SLC12A8: variants seen among roughly 807,000 people sequenced by gnomAD.
SLC12A8 encodes solute carrier family 12 member 8.
In SLC12A8, 69 loss-of-function variants were observed where a neutral mutation model predicts 75.6. The ratio of observed to expected loss-of-function variants is 0.91; its 90% CI spans 0.75 to 1.11. The LOEUF is 1.11. SLC12A8 is among the 50% of genes most tolerant of loss of function. The pLI is 0.00. For missense variants in SLC12A8, 877 were observed against 896.7 expected, an observed-to-expected ratio of 0.98 and a Z score of 0.28; for synonymous variants, 365 against 372.8, an observed-to-expected ratio of 0.98 and a Z score of 0.24.
chr3:125,153,231 T>C (rs1389080786), intron 5 of SLC12A8, among the ~76,000 whole-genome samples: 11 of 152,192 alleles, frequency 7.2e-5, no homozygotes, highest in Non-Finnish European at 1.3e-4. Flanking sequence ...CCCGGTACTT[T>C]CCAAGATGCC....
At chr3:125,199,021 A>G (rs1016862361) in intron 2 of SLC12A8, among the ~76,000 whole-genome samples, 52 of 151,714 alleles carry the variant, frequency 3.4e-4, no homozygotes, top group South Asian at 1.3e-3. Flanking sequence ...CTCGTGATCC[A>G]CCCTCCTTGG....
At chr3:125,092,240 C>T (rs774383689) in intron 10 of SLC12A8, 42 bp from the exon 11 acceptor site, 2 of 1,433,480 alleles carry the variant, frequency 1.4e-6, no homozygotes, top group Non-Finnish European at 2.0e-6. Flanking sequence ...TTGCTATCAA[C>T]TCTCTACTGT....
chr3:125,113,172 G>A (rs932808930), intron 8 of SLC12A8, among the ~76,000 whole-genome samples: 1 of 152,146 alleles, frequency 6.6e-6, no homozygotes, highest in African/African-American at 2.4e-5. Context: ...ATGAGTACAC[G>A]ATATGGTGGC....
rs1486240667 is a variant in SLC12A8, at chr3:125,177,714, G to A, written c.622+29C>T. 1.9e-6 allele frequency: 3 copies of A among 1,568,390 alleles called. No homozygotes were observed. The South Asian group carries it at 3.3e-5, about 17-fold the overall frequency. ...TCTCTAAAGCAGTGAAGATCCATAA[G>A]GCCACATACTGGACTCTGAAAGGCT... On this transcript the variant is annotated intron_variant, in intron 5 of 13. Transcript: ENST00000469902.
intron 8 of SLC12A8, among the ~76,000 whole-genome samples, chr3:125,112,487 A>T (rs1200817846): frequency 1.3e-5 from 2 of 152,158 alleles, no homozygotes; most frequent in African/African-American, 2.4e-5. Context: ...GTAGAATTGT[A>T]TCATGCTTCC....
intron 10 of SLC12A8, among the ~76,000 whole-genome samples, chr3:125,094,407 T>C (rs1329733648): frequency 6.6e-6 from 1 of 152,036 alleles, no homozygotes; most frequent in East Asian, 1.9e-4. Flanking sequence ...CAAGCTCTCT[T>C]CTCCAAAGAG....
At chr3:125,087,826 C>G (rs1938497366) in intron 13 of SLC12A8, among the ~76,000 whole-genome samples, 1 of 152,180 alleles carries the variant, frequency 6.6e-6, no homozygotes, top group Admixed American at 6.5e-5. Context: ...AGAGGTCCCA[C>G]AGAAATCCTC....
At chr3:125,190,291 G>A in intron 3 of SLC12A8, 84 bp downstream of exon 3, 1 of 1,449,236 alleles carries the variant, frequency 6.9e-7, no homozygotes, top group Non-Finnish European at 9.5e-7. Context: ...AGGAATCTGT[G>A]GCCTGCACTG....
chr3:125,113,992 C>T (rs557474584), intron 8 of SLC12A8, among the ~76,000 whole-genome samples: 3 of 152,236 alleles, frequency 2.0e-5, no homozygotes, highest in African/African-American at 7.2e-5. Context: ...CTGGGGAGTG[C>T]ACCCTAAAAA....
chr3:125,148,272 T>A (rs1297261401), intron 5 of SLC12A8, among the ~76,000 whole-genome samples: 1 of 152,224 alleles, frequency 6.6e-6, no homozygotes, highest in African/African-American at 2.4e-5. Context: ...GCTGCCCCAT[T>A]GCCTAGTGCT....
intron 5 of SLC12A8, among the ~76,000 whole-genome samples, chr3:125,163,335 C>T (rs1306947793): frequency 2.0e-5 from 3 of 151,570 alleles, no homozygotes; most frequent in African/African-American, 7.3e-5. Context: ...AAGCCGGGTG[C>T]GGTGGTTCAC....
At chr3:125,211,498 C>T (rs1935336539) in intron 1 of SLC12A8, 104 bp from the exon 2 acceptor site, 1 of 726,376 alleles carries the variant, frequency 1.4e-6, no homozygotes, top group Non-Finnish European at 2.4e-6. Flanking sequence ...CAGGCGAGGC[C>T]CTGGCTGAGG....
chr3:125,164,094 T>C (rs1474804030), intron 5 of SLC12A8, among the ~76,000 whole-genome samples: 1 of 152,088 alleles, frequency 6.6e-6, no homozygotes, highest in Non-Finnish European at 1.5e-5. Flanking sequence ...CCTCTAACAG[T>C]TTTAACCAGG....
At position 125,142,472 on chromosome 3, in the gene SLC12A8, T is replaced by G. The variant is rs190656977; in HGVS notation, c.623-6690A>C. On this transcript the variant is annotated intron_variant, in intron 5 of 13. Transcript: ENST00000469902. ...GATTTGGGAGAAGTCCCTGCCATGC[T>G]TATCCTCCCTCGGCGTGAAGCACAG... 5.3e-4 allele frequency among the ~76,000 whole-genome samples: 81 copies of G among 152,310 alleles called. 1 individual carries two copies. The highest frequency in any genetic ancestry group is 2.9e-5 in the Non-Finnish European group (2 of 68,022).
intron 4 of SLC12A8, among the ~76,000 whole-genome samples, chr3:125,186,113 T>C (rs2107793415): frequency 6.6e-6 from 1 of 151,102 alleles, no homozygotes; most frequent in African/African-American, 2.4e-5. Flanking sequence ...GGATTTTGCC[T>C]ACCTTGCAGC....
At chr3:125,200,478 CTT>C (rs1481574495) in intron 2 of SLC12A8, among the ~76,000 whole-genome samples, 1 of 152,096 alleles carries the variant, frequency 6.6e-6, no homozygotes, top group Admixed American at 6.6e-5. Flanking sequence ...CAAGAACTAA[CTT>C]ATTTTATGTT....
chr3:125,109,710 TAACAGG>T (rs1939140241), intron 9 of SLC12A8, among the ~76,000 whole-genome samples: 1 of 152,176 alleles, frequency 6.6e-6, no homozygotes, highest in South Asian at 2.1e-4. Flanking sequence ...TCATGATGGT[TAACAGG>T]AAGTGTAGAC....
At chr3:125,104,294 A>G (rs1042519201) in intron 10 of SLC12A8, among the ~76,000 whole-genome samples, 1 of 151,504 alleles carries the variant, frequency 6.6e-6, no homozygotes, top group Admixed American at 6.6e-5. Flanking sequence ...ATTTTTGTAG[A>G]TATGGGGTCT....
intron 10 of SLC12A8, among the ~76,000 whole-genome samples, chr3:125,094,657 C>T (rs1293173600): frequency 6.6e-6 from 1 of 152,198 alleles, no homozygotes; most frequent in Non-Finnish European, 1.5e-5. Context: ...TCTTCTCTCC[C>T]ACCTAAACAA....
Sources: allele counts gnomAD v4.1 joint callset (sites outside exome capture counted in the v4.1 genomes callset), GRCh38; gene constraint gnomAD v4.1.1; transcripts MANE v1.5; gene names NCBI Gene and HGNC (gene_info 2026-07-23, HGNC 2026-07-21).